The following ROBO2 variants were observed in gnomAD, a reference collection of about 807,000 sequenced individuals.
The protein encoded by ROBO2 is roundabout guidance receptor 2.
ROBO2 carries 53 observed loss-of-function variants against 160.8 expected under a neutral mutation model. The ratio of observed to expected loss-of-function variants is 0.33; its 90% CI spans 0.26 to 0.41. ROBO2 has a LOEUF of 0.41. Ranked by LOEUF, ROBO2 falls within the 10% of genes least tolerant of loss-of-function variation. ROBO2 has a pLI of 1.00. For missense variants in ROBO2, 1,577 were observed against 1,722.4 expected, an observed-to-expected ratio of 0.92 and a Z score of 1.49; for synonymous variants, 664 against 611.7, an observed-to-expected ratio of 1.09 and a Z score of -1.26.
intron 2 of ROBO2, among the ~76,000 whole-genome samples, chr3:77,230,839 C>G (rs1450050301): frequency 1.9e-4 from 29 of 152,070 alleles, no homozygotes. Flanking sequence ...TTTTTTAATG[C>G]AAAATTACTC....
chr3:76,275,506 A>G (rs1707867409), intron 2 of ROBO2, among the ~76,000 whole-genome samples: 1 of 152,104 alleles, frequency 6.6e-6, no homozygotes, highest in South Asian at 2.1e-4. Context: ...TATGACTTTC[A>G]CAGTCATTTC....
rs55808868 is a variant in ROBO2 at position 76,696,633 on chromosome 3, C to G, written c.110-401381C>G. Among the ~76,000 whole-genome samples, 409 of 152,296 alleles carry G rather than the reference C, an allele frequency of 2.7e-3. 2 individuals carry two copies. The highest frequency in any genetic ancestry group is 5.0e-3 in the Non-Finnish European group (343 of 68,028). ...CTTGGTTAAACTTGTCACTCTGTATCTCTACTATGATACGAAGTGACAGAA... is the reference window on the plus strand; with the variant it reads ...CTTGGTTAAACTTGTCACTCTGTATGTCTACTATGATACGAAGTGACAGAA... On this transcript the variant is annotated intron_variant, in intron 2 of 26. Coordinates refer to the ROBO2 transcript ENST00000487694.
At chr3:77,584,843 T>C (rs1486071612) in intron 16 of ROBO2, among the ~76,000 whole-genome samples, 4 of 151,554 alleles carry the variant, frequency 2.6e-5, no homozygotes, top group Admixed American at 1.3e-4. Flanking sequence ...ATTTATAGTA[T>C]TTAGAAATAA....
chr3:77,615,717 T>C (rs1199254590), intron 21 of ROBO2, among the ~76,000 whole-genome samples: 1 of 152,236 alleles, frequency 6.6e-6, no homozygotes, highest in African/African-American at 2.4e-5. Flanking sequence ...TGTAATGCAG[T>C]TTATTTATCC....
intron 2 of ROBO2, among the ~76,000 whole-genome samples, chr3:76,104,652 T>C (rs867656169): frequency 6.6e-6 from 1 of 152,194 alleles, no homozygotes; most frequent in South Asian, 2.1e-4. Flanking sequence ...TGATGAATTA[T>C]GTAAGTGGAA....
At chr3:76,194,446 G>A (rs531537318) in intron 2 of ROBO2, among the ~76,000 whole-genome samples, 1 of 146,608 alleles carries the variant, frequency 6.8e-6, no homozygotes, top group East Asian at 2.0e-4. Flanking sequence ...TATTTTATGA[G>A]TGCTCCTGCA....
At chr3:76,786,004 TTCCTGA>T (rs1425790991) in intron 2 of ROBO2, among the ~76,000 whole-genome samples, 1 of 151,312 alleles carries the variant, frequency 6.6e-6, no homozygotes, top group African/African-American at 2.4e-5. Flanking sequence ...CCTAATCAAG[TTCCTGA>T]TATATATTTA....
At chr3:76,777,134 A>T (rs1384836033) in intron 2 of ROBO2, among the ~76,000 whole-genome samples, 1 of 151,056 alleles carries the variant, frequency 6.6e-6, no homozygotes, top group Non-Finnish European at 1.5e-5. Context: ...AACTAATGGA[A>T]TTTTTGGCAT....
intron 2 of ROBO2, among the ~76,000 whole-genome samples, chr3:76,750,011 C>A (rs2093956254): frequency 6.6e-6 from 1 of 152,094 alleles, no homozygotes; most frequent in Non-Finnish European, 1.5e-5. Context: ...GAATTTTAGA[C>A]CAATATCCCT....
chr3:77,164,047 A>G (rs994598193), intron 2 of ROBO2, among the ~76,000 whole-genome samples: 6 of 152,214 alleles, frequency 3.9e-5, no homozygotes, highest in African/African-American at 1.4e-4. Context: ...ACAGAAACAT[A>G]CATAGATGTG....
At chr3:76,499,903 T>C (rs1172793073) in intron 2 of ROBO2, among the ~76,000 whole-genome samples, 1 of 152,130 alleles carries the variant, frequency 6.6e-6, no homozygotes, top group East Asian at 1.9e-4. Context: ...TGTGTGCTGA[T>C]ATACAAATAA....
rs559327594 is a variant in ROBO2, at chr3:77,243,481, A to G, written c.388+145141A>G. Among the ~76,000 whole-genome samples the G allele has an allele frequency of 2.1e-4, 32 of 152,254 alleles. No individual in the cohort carries two copies. The South Asian group carries it at 3.9e-3, about 19-fold the overall frequency. On this transcript the variant is annotated intron_variant, in intron 2 of 25. Coordinates refer to ENST00000461745, the Ensembl canonical transcript of ROBO2. ...ATTTCTGGAGCTGGGTGTGGAGGGT[A>G]GTTCAGTTTCCACACATTAGCCCAT... is the stretch of plus-strand genomic sequence containing the variant.
chr3:77,235,383 C>T (rs919459613), intron 2 of ROBO2, among the ~76,000 whole-genome samples: 12 of 145,880 alleles, frequency 8.2e-5, no homozygotes, highest in Admixed American at 4.9e-4. Flanking sequence ...GACGGAGTTT[C>T]GCTCTGTCGC....
rs560803339 is a variant in ROBO2, at chr3:75,968,700, T to A, written c.109+31098T>A. On this transcript the variant is annotated intron_variant, in intron 2 of 26. Transcript: ENST00000487694. Reference sequence around the variant, plus strand: ...ATACAACTTACTCATCCTACATGACTGCCAGTTTGTACCCTTTGATCTGCT... The same window carrying A: ...ATACAACTTACTCATCCTACATGACAGCCAGTTTGTACCCTTTGATCTGCT... Among the ~76,000 whole-genome samples the A allele has an allele frequency of 3.2e-4, 49 of 151,702 alleles. No homozygotes were observed. In the South Asian group the frequency reaches 9.9e-3, roughly 31 times the overall value.
intron 2 of ROBO2, among the ~76,000 whole-genome samples, chr3:76,086,684 CAAAA>C (rs915565385): frequency 6.6e-6 from 1 of 151,856 alleles, no homozygotes; most frequent in Non-Finnish European, 1.5e-5. Flanking sequence ...AATTTGAAAA[CAAAA>C]AACAATCATC....
chr3:76,296,720 T>C (rs921221627), intron 2 of ROBO2, among the ~76,000 whole-genome samples: 5 of 152,208 alleles, frequency 3.3e-5, no homozygotes, highest in African/African-American at 1.2e-4. Context: ...AATGCTGAAA[T>C]AGGGTCACTC....
At chr3:76,440,375 T>C (rs2076871847) in intron 2 of ROBO2, among the ~76,000 whole-genome samples, 1 of 152,042 alleles carries the variant, frequency 6.6e-6, no homozygotes, top group South Asian at 2.1e-4. Flanking sequence ...ACATTAGGTA[T>C]ATCTCCTAAT....
intron 2 of ROBO2, among the ~76,000 whole-genome samples, chr3:77,435,901 G>A (rs1320658796): frequency 6.6e-6 from 1 of 151,258 alleles, no homozygotes; most frequent in Non-Finnish European, 1.5e-5. Flanking sequence ...TAATGTAAAT[G>A]TTTTATGATG....
chr3:77,193,553 G>A (rs1288206690), intron 2 of ROBO2, among the ~76,000 whole-genome samples: 1 of 151,774 alleles, frequency 6.6e-6, no homozygotes, highest in Admixed American at 6.6e-5. Context: ...ATGAATGTGA[G>A]AACCTTTGTA....
Sources: allele counts gnomAD v4.1 joint callset (sites outside exome capture counted in the v4.1 genomes callset), GRCh38; gene constraint gnomAD v4.1.1; transcripts MANE v1.5; gene names NCBI Gene and HGNC (gene_info 2026-07-23, HGNC 2026-07-21).